Variants in KCND2 observed in about 807,000 individuals in gnomAD.
The protein encoded by KCND2 is potassium voltage-gated channel subfamily D member 2, also known as A-type voltage-gated potassium channel KCND2.
In KCND2, 16 loss-of-function variants were observed where a neutral mutation model predicts 54.4. The ratio of observed to expected loss-of-function variants is 0.29; its 90% CI spans 0.20 to 0.45. The LOEUF is 0.45. Ranked by LOEUF, KCND2 falls within the 20% of genes least tolerant of loss-of-function variation. The pLI is 1.00. For missense variants in KCND2, 486 were observed against 824.2 expected, an observed-to-expected ratio of 0.59 and a Z score of 5.02; for synonymous variants, 317 against 310.7, an observed-to-expected ratio of 1.02 and a Z score of -0.21.
intron 1 of KCND2, among the ~76,000 whole-genome samples, chr7:120,309,651 C>T (rs1448725221): frequency 1.3e-5 from 2 of 151,634 alleles, no homozygotes; most frequent in African/African-American, 2.4e-5. Flanking sequence ...TCCCCAATAT[C>T]ACCTTATAAG....
intron 1 of KCND2, among the ~76,000 whole-genome samples, chr7:120,523,809 T>G (rs1465461242): frequency 6.8e-6 from 1 of 146,994 alleles, no homozygotes; most frequent in Non-Finnish European, 1.5e-5. Flanking sequence ...ATTTTAAAAT[T>G]TATTTATATA....
At chr7:120,410,538 G>A (rs1242491807) in intron 1 of KCND2, among the ~76,000 whole-genome samples, 1 of 151,696 alleles carries the variant, frequency 6.6e-6, no homozygotes, top group Non-Finnish European at 1.5e-5. Context: ...ATTTATTTAT[G>A]TCTTCTTTAA....
At chr7:120,683,024 C>T (rs1281539383) in intron 1 of KCND2, among the ~76,000 whole-genome samples, 2 of 152,124 alleles carry the variant, frequency 1.3e-5, no homozygotes, top group South Asian at 2.1e-4. Context: ...ATGCTGTTGG[C>T]TAAAACATCT....
At chr7:120,562,733 C>G (rs1792250790) in intron 1 of KCND2, among the ~76,000 whole-genome samples, 1 of 152,022 alleles carries the variant, frequency 6.6e-6, no homozygotes, top group Non-Finnish European at 1.5e-5. Flanking sequence ...GTTGCAAACC[C>G]TAAGATTAAT....
intron 1 of KCND2, among the ~76,000 whole-genome samples, chr7:120,362,445 G>A (rs887085407): frequency 6.6e-6 from 1 of 152,086 alleles, no homozygotes; most frequent in African/African-American, 2.4e-5. Flanking sequence ...ACAAAGTTTT[G>A]TTTTCAAGGC....
intron 1 of KCND2, among the ~76,000 whole-genome samples, chr7:120,592,615 C>T: frequency 6.6e-6 from 1 of 152,176 alleles, no homozygotes; most frequent in East Asian, 1.9e-4. Context: ...TTTTCTTTGA[C>T]AAAATGTCTT....
intron 1 of KCND2, among the ~76,000 whole-genome samples, chr7:120,430,440 G>C (rs1311988624): frequency 6.6e-6 from 1 of 152,014 alleles, no homozygotes; most frequent in Non-Finnish European, 1.5e-5. Context: ...CCAACATGGT[G>C]AAACCCCATC....
At chr7:120,383,888 A>G (rs1800950778) in intron 1 of KCND2, among the ~76,000 whole-genome samples, 1 of 152,136 alleles carries the variant, frequency 6.6e-6, no homozygotes, top group African/African-American at 2.4e-5. Flanking sequence ...GAAAGACTGG[A>G]TTAGTGAGAC....
intron 1 of KCND2, among the ~76,000 whole-genome samples, chr7:120,309,070 A>C (rs1214093404): frequency 6.6e-6 from 1 of 152,164 alleles, no homozygotes; most frequent in Non-Finnish European, 1.5e-5. Flanking sequence ...AGAAGACCTA[A>C]GTGCTTTTTA....
intron 1 of KCND2, among the ~76,000 whole-genome samples, chr7:120,378,034 A>G (rs1270841808): frequency 1.3e-5 from 2 of 152,002 alleles, no homozygotes; most frequent in African/African-American, 4.8e-5. Flanking sequence ...AGAGAGAATG[A>G]TGCATAGAAG....
chr7:120,649,139 C>A (rs759696237), intron 1 of KCND2, among the ~76,000 whole-genome samples: 1 of 151,618 alleles, frequency 6.6e-6, no homozygotes, highest in Non-Finnish European at 1.5e-5. Context: ...TAATTATTGG[C>A]AGAATTTCAG....
At chr7:120,696,659 G>A (rs967242086) in intron 1 of KCND2, among the ~76,000 whole-genome samples, 2 of 152,178 alleles carry the variant, frequency 1.3e-5, no homozygotes, top group African/African-American at 4.8e-5. Context: ...TACCACCAGA[G>A]TGCATTAGTT....
chr7:120,484,452 G>T (rs913715519), intron 1 of KCND2, among the ~76,000 whole-genome samples: 1 of 151,230 alleles, frequency 6.6e-6, no homozygotes, highest in Non-Finnish European at 1.5e-5. Context: ...TCTGTTCCTG[G>T]CCTCTGATTT....
intron 1 of KCND2, among the ~76,000 whole-genome samples, chr7:120,502,434 G>C (rs927069753): frequency 2.6e-5 from 4 of 151,974 alleles, no homozygotes; most frequent in African/African-American, 9.7e-5. Flanking sequence ...ATCTTCCCTA[G>C]GTCTAGCAGG....
intron 1 of KCND2, among the ~76,000 whole-genome samples, chr7:120,491,706 G>A (rs1802782857): frequency 6.6e-6 from 1 of 151,762 alleles, no homozygotes; most frequent in South Asian, 2.1e-4. Flanking sequence ...TCTGAAAACT[G>A]TCCAATTTCT....
In KCND2 at chr7:120,275,676, G is replaced by T. The variant is rs372893395; in HGVS notation, c.1044G>T (p.Gly348=). 1 of 1,603,032 alleles carries T rather than the reference G, an allele frequency of 6.2e-7. No homozygotes were observed. The highest frequency in any genetic ancestry group is 1.3e-5 in the African/African-American group (1 of 74,998). ...FATVMFYAEK[G]SSASKFTSIP... ...CAGTTATGTTCTACGCAGAGAAGGG[G>T]TCTTCGGCTAGCAAGTTCACCAGCA... Residue 348 remains glycine, a synonymous_variant, in exon 1 of 6, where the codon GGG becomes GGT. Transcript: ENST00000331113.
chr7:120,642,996 A>G (rs1210125124), intron 1 of KCND2, among the ~76,000 whole-genome samples: 1 of 152,224 alleles, frequency 6.6e-6, no homozygotes, highest in Non-Finnish European at 1.5e-5. Context: ...TCCAGCTCCC[A>G]CAGTGTATTA....
intron 1 of KCND2, among the ~76,000 whole-genome samples, chr7:120,480,256 C>G (rs1295310965): frequency 6.6e-6 from 1 of 152,032 alleles, no homozygotes; most frequent in Non-Finnish European, 1.5e-5. Flanking sequence ...AATACCCCCT[C>G]TTAACGGAGA....
At chr7:120,355,980 CTT>C (rs949279889) in intron 1 of KCND2, among the ~76,000 whole-genome samples, 1 of 152,152 alleles carries the variant, frequency 6.6e-6, no homozygotes, top group African/African-American at 2.4e-5. Context: ...TCGAATCCAT[CTT>C]TGTTTTCTCT....
Sources: allele counts gnomAD v4.1 joint callset (sites outside exome capture counted in the v4.1 genomes callset), GRCh38; gene constraint gnomAD v4.1.1; transcripts MANE v1.5; gene names NCBI Gene and HGNC (gene_info 2026-07-23, HGNC 2026-07-21).